The following UGT2B4 variants were observed in gnomAD, a reference collection of about 807,000 sequenced individuals.
UGT2B4 encodes the protein UDP-glucuronosyltransferase 2B4.
A neutral mutation model predicts 49.8 loss-of-function variants in UGT2B4; 49 were observed. That is an observed-to-expected ratio of 0.98 (90% CI 0.78 to 1.25). The LOEUF is 1.25. UGT2B4 is among the 50% of genes most tolerant of loss of function. UGT2B4 has a pLI of 0.00. For synonymous variants in UGT2B4, 246 were observed against 217.7 expected (o/e 1.13, Z -1.14); for missense variants, 729 against 627.7 (o/e 1.16, Z -1.73).
At chr4:69,488,958 C>A (rs1055971222) in intron 3 of UGT2B4, among the ~76,000 whole-genome samples, 2 of 152,054 alleles carry the variant, frequency 1.3e-5, no homozygotes, top group Non-Finnish European at 2.9e-5. Flanking sequence ...ACAGGAAGTA[C>A]ACGAGGCTGG....
At chr4:69,524,150 G>A (rs7699910) in intron 1 of UGT2B4, among the ~76,000 whole-genome samples, 53,373 of 151,810 alleles carry the variant, frequency 0.35, 9,483 homozygotes, top group Non-Finnish European at 0.37. Flanking sequence ...TACATTCACT[G>A]GAGTAATACT....
chr4:69,486,755 TAGA>T (rs1727799811), intron 3 of UGT2B4, 59 bp from the exon 4 acceptor site: 19 of 1,314,324 alleles, frequency 1.4e-5, no homozygotes, highest in Middle Eastern at 2.0e-4. Flanking sequence ...CATAGAATGT[TAGA>T]AATCTAAAGA....
chr4:69,495,386 A>G lies in UGT2B4; in HGVS notation c.476T>C (p.Leu159Pro). ...LADAVFPFGE[L>P]LAELLKIPFV... ...GGGTATTTTAAGTAACTCGGCCAGCAGCTCACCAAAGGGGAAAACAGCATC... is the reference window on the plus strand; with the variant it reads ...GGGTATTTTAAGTAACTCGGCCAGCGGCTCACCAAAGGGGAAAACAGCATC... Residue 159 changes from leucine (L) to proline (P), a missense_variant, in exon 1 of 6, where the codon CTG (leucine) becomes CCG (proline). By Grantham distance (98) the Leu-to-Pro change is moderately conservative (BLOSUM62 -3). Transcript: ENST00000305107. 1 of 1,614,050 alleles carries G rather than the reference A, an allele frequency of 6.2e-7. No homozygotes were observed. The highest frequency in any genetic ancestry group is 8.5e-7 in the Non-Finnish European group (1 of 1,179,978).
At chr4:69,488,395 T>G (rs866346144) in intron 3 of UGT2B4, among the ~76,000 whole-genome samples, 1 of 146,638 alleles carries the variant, frequency 6.8e-6, no homozygotes, top group African/African-American at 2.4e-5. Flanking sequence ...CAAGGAATCC[T>G]TATAAATTAA....
At chr4:69,525,905 T>A in exon 1 of UGT2B4, 1 of 232,280 alleles carries the variant, frequency 4.3e-6, no homozygotes, top group Non-Finnish European at 8.5e-6. Context: ...ATCCAGACCA[T>A]CCTGGCTAAC....
chr4:69,511,689 G>T (rs1380527939), intron 1 of UGT2B4, among the ~76,000 whole-genome samples: 10 of 152,058 alleles, frequency 6.6e-5, no homozygotes, highest in Admixed American at 1.3e-4. Flanking sequence ...CTCATAAAAT[G>T]AGTTTGAAAG....
intron 1 of UGT2B4, among the ~76,000 whole-genome samples, chr4:69,501,191 T>TG (rs1728310258): frequency 6.7e-6 from 1 of 148,822 alleles, no homozygotes; most frequent in African/African-American, 2.5e-5. Flanking sequence ...TTTTTACTGT[T>TG]TGAGCAACTT....
Position 69,484,486 on chromosome 4 carries a change from A to C in UGT2B4, c.1310+722T>G, listed in dbSNP as rs549302327. ...ATACACACAATATAAATAAAGCTAA[A>C]AACCATAAAAAAACAACAAAAACTG... On this transcript the variant is annotated intron_variant, in intron 5 of 5. Coordinates refer to ENST00000305107, the MANE Select transcript of UGT2B4 (RefSeq NM_021139.3). Among the ~76,000 whole-genome samples the C allele has an allele frequency of 2.0e-5, 3 of 152,136 alleles. No individual in the cohort carries two copies. The East Asian group carries it at 5.8e-4, about 29-fold the overall frequency.
chr4:69,517,501 T>C lies in UGT2B4; in HGVS notation c.-106+8186A>G, dbSNP rs183585654. ...TGAATATTTCAGTTTATTACTGGTA[T>C]TAGAAAAGTTGGCTGTTCAACTCTT... On this transcript the variant is annotated intron_variant, in intron 1 of 1. Coordinates refer to the UGT2B4 transcript ENST00000510114. Among the ~76,000 whole-genome samples the C allele has an allele frequency of 9.1e-4, 139 of 152,340 alleles. 1 individual carries two copies. The highest frequency in any genetic ancestry group is 5.8e-4 in the East Asian group (3 of 5,184).
At chr4:69,502,091 C>CTCTCTCTTTCTT (rs1553896639) in intron 1 of UGT2B4, among the ~76,000 whole-genome samples, 22 of 108,524 alleles carry the variant, frequency 2.0e-4, no homozygotes, top group East Asian at 1.0e-3. Flanking sequence ...TTCTTTCTCT[C>CTCTCTCTTTCTT]TCTTTCTTTC....
chr4:69,486,324 T>C (rs188477409), intron 4 of UGT2B4, among the ~76,000 whole-genome samples: 27 of 152,140 alleles, frequency 1.8e-4, no homozygotes, highest in Middle Eastern at 3.4e-3. Context: ...GTTGTAGAAA[T>C]ATGAGAAAGG....
At chr4:69,525,614 TTATC>T (rs1728962883) in intron 1 of UGT2B4, 4 of 972,086 alleles carry the variant, frequency 4.1e-6, no homozygotes, top group Non-Finnish European at 4.0e-6. Context: ...AGACAATAGA[TTATC>T]TACTCAGGTA....
Position 69,480,762 on chromosome 4 carries a change from G to A in UGT2B4, c.1459C>T (p.Gln487Ter), listed in dbSNP as rs200280202. 1,011 of 1,613,870 alleles carry A rather than the reference G, an allele frequency of 6.3e-4. 4 individuals carry two copies. The highest frequency in any genetic ancestry group is 3.9e-4 in the Non-Finnish European group (463 of 1,179,930). ...CCAGTCACATCCAAAGAGTGGTACT[G>A]GAACCAGGTGAGGTCGTGGGCTGCA... ...RVAAHDLTWF[Q>*]YHSLDVTGFL... The change falls in exon 6 of 6, where the codon CAG becomes TAG. Residue 487 changes from glutamine to a stop codon, truncating the protein, a stop_gained. Coordinates refer to ENST00000305107, the MANE Select transcript of UGT2B4 (RefSeq NM_021139.3). LOFTEE classifies it high-confidence loss of function.
intron 1 of UGT2B4, among the ~76,000 whole-genome samples, chr4:69,494,071 G>T (rs1397827774): frequency 6.6e-6 from 1 of 152,038 alleles, no homozygotes. Context: ...AGGGAAAACT[G>T]CATCCCTCAT....
intron 1 of UGT2B4, among the ~76,000 whole-genome samples, chr4:69,504,715 G>A (rs1728426970): frequency 1.3e-5 from 2 of 152,028 alleles, no homozygotes; most frequent in African/African-American, 4.8e-5. Context: ...TACCTAGCTA[G>A]AGAGACCAAC....
At chr4:69,484,189 C>T (rs959497223) in intron 5 of UGT2B4, among the ~76,000 whole-genome samples, 3 of 151,986 alleles carry the variant, frequency 2.0e-5, no homozygotes, top group Non-Finnish European at 4.4e-5. Context: ...CTGGAACCCT[C>T]CTGTACTGCT....
intron 1 of UGT2B4, among the ~76,000 whole-genome samples, chr4:69,503,338 G>A (rs1032153501): frequency 1.1e-4 from 16 of 152,172 alleles, no homozygotes; most frequent in African/African-American, 3.9e-4. Flanking sequence ...ACTCCAGCAA[G>A]GTGGCCCCTA....
At position 69,485,397 on chromosome 4, in the gene UGT2B4, T is replaced by C. The variant is rs759289636; in HGVS notation, c.1121A>G (p.His374Arg). Residue 374 changes from histidine (H) to arginine (R), a missense_variant, in exon 5 of 6, where the codon CAT (histidine) becomes CGT (arginine). Coordinates refer to ENST00000305107, the MANE Select transcript of UGT2B4 (RefSeq NM_021139.3). ...CTCATAGATGCCATTGGCTCCACCATGAGTTATAAAAGCTCTGGTTTTTGG... is the reference window on the plus strand; with the variant it reads ...CTCATAGATGCCATTGGCTCCACCACGAGTTATAAAAGCTCTGGTTTTTGG... ...GHPKTRAFIT[H>R]GGANGIYEAI... is the part of the protein sequence containing the mutation. The C allele has an allele frequency of 1.9e-6, 3 of 1,613,766 alleles. No homozygotes were observed. In the African/African-American group the frequency reaches 4.0e-5, roughly 22 times the overall value.
intron 1 of UGT2B4, among the ~76,000 whole-genome samples, chr4:69,508,396 G>A (rs1302432397): frequency 6.6e-6 from 1 of 152,100 alleles, no homozygotes; most frequent in African/African-American, 2.4e-5. Context: ...AAAGAAACAT[G>A]TATGCACATG....
Sources: gnomAD v4.1 joint callset for allele counts (sites outside exome capture counted in the v4.1 genomes callset) on GRCh38, gnomAD v4.1.1 for gene constraint, MANE v1.5 for transcripts, NCBI Gene and HGNC (gene_info 2026-07-23, HGNC 2026-07-21) for gene names.